Variants in LAT2 observed in about 807,000 individuals in gnomAD.
LAT2 encodes linker for activation of T cells family member 2.
LAT2 carries 23 observed loss-of-function variants against 43.4 expected under a neutral mutation model. That is an observed-to-expected ratio of 0.53 (90% CI 0.38 to 0.75). The LOEUF (loss-of-function observed/expected upper bound fraction) is 0.75. Among genes scored for constraint, LAT2 ranks in the 30% least tolerant of loss-of-function variants. The pLI, the probability that LAT2 is intolerant of heterozygous loss-of-function variation, is 0.00. For synonymous variants in LAT2, 128 were observed against 123.2 expected (o/e 1.04, Z -0.26); for missense variants, 284 against 310.2 (o/e 0.92, Z 0.64).
intron 4 of LAT2, among the ~76,000 whole-genome samples, chr7:74,218,304 T>G (rs772106820): frequency 2.9e-4 from 44 of 152,188 alleles, no homozygotes; most frequent in Non-Finnish European, 6.0e-4. Flanking sequence ...TCCTGTGGAT[T>G]TAGGGTATCT....
intron 1 of LAT2, among the ~76,000 whole-genome samples, chr7:74,213,201 C>G (rs891769342): frequency 6.6e-6 from 1 of 152,118 alleles, no homozygotes; most frequent in Admixed American, 6.6e-5. Context: ...TCACTGCAAC[C>G]TCCACCTCCT....
intron 13 of LAT2, chr7:74,226,546 T>C (rs782373393): frequency 1.2e-4 from 19 of 152,392 alleles, no homozygotes; most frequent in Non-Finnish European, 1.7e-4. Flanking sequence ...TAGTCCCAGC[T>C]ACTTGGGAGG....
intron 10 of LAT2, 127 bp downstream of exon 10, chr7:74,221,819 CAGA>C (rs1271730820): frequency 2.3e-5 from 15 of 665,608 alleles, no homozygotes; most frequent in South Asian, 4.5e-5. Context: ...GTTGGGTGGA[CAGA>C]AGGAGGCTGG....
At chr7:74,225,016 G>A (rs571669736) in intron 13 of LAT2, 53 of 327,346 alleles carry the variant, frequency 1.6e-4, no homozygotes, top group African/African-American at 1.1e-3. Flanking sequence ...CAACTCCACT[G>A]CATCCTCCTG....
intron 1 of LAT2, among the ~76,000 whole-genome samples, chr7:74,214,323 T>C (rs1428017218): frequency 3.1e-5 from 2 of 63,586 alleles, no homozygotes; most frequent in Non-Finnish European, 5.1e-5. Context: ...TATATGAAAA[T>C]ATATATATAA....
chr7:74,214,241 AATATATATATAAAT>A lies in LAT2; in HGVS notation c.-218-570_-218-557del, dbSNP rs1333842838. ...ATATATATATGAAAATATATATGAA[AATATATATATAAAT>A]ATATATATATGAAAATATATATATA... On this transcript the variant is annotated intron_variant, in intron 1 of 13. Coordinates refer to ENST00000460943, the MANE Select transcript of LAT2 (RefSeq NM_032464.3). 3.9e-4 allele frequency among the ~76,000 whole-genome samples: 27 copies of A among 69,632 alleles called. 1 individual carries two copies. Among genetic ancestry groups the A allele is most frequent in the East Asian group, 8.4e-4 (2 of 2,384 alleles). 45.7% of individuals were successfully genotyped at this position (69,632 alleles called of 152,430 possible).
At chr7:74,212,337 C>A (rs898967552) in intron 1 of LAT2, among the ~76,000 whole-genome samples, 4 of 151,674 alleles carry the variant, frequency 2.6e-5, no homozygotes, top group Non-Finnish European at 5.9e-5. Flanking sequence ...CTGGAGTGCA[C>A]TGGCGTGATC....
intron 4 of LAT2, among the ~76,000 whole-genome samples, chr7:74,218,063 C>G (rs1380919499): frequency 1.3e-5 from 2 of 152,162 alleles, no homozygotes; most frequent in East Asian, 3.9e-4. Flanking sequence ...CCTGCCCACC[C>G]CCAGCCCCCT....
At chr7:74,219,526 T>C (rs1802181663) in intron 4 of LAT2, among the ~76,000 whole-genome samples, 1 of 152,140 alleles carries the variant, frequency 6.6e-6, no homozygotes, top group East Asian at 1.9e-4. Context: ...GGGCCCTGTG[T>C]GAGGGTTGGG....
chr7:74,216,754 T>C lies in LAT2; in HGVS notation c.95-71T>C, dbSNP rs562894894. 1,061 of 1,321,562 alleles carry C rather than the reference T, an allele frequency of 8.0e-4. 17 individuals carry two copies. In the South Asian group the frequency reaches 0.012, roughly 15 times the overall value. The allele number at this position is 1,321,562 out of a possible 1,614,324, so 81.9% of individuals were successfully genotyped here. On this transcript the variant is annotated intron_variant, in intron 3 of 13. Coordinates refer to ENST00000460943, the MANE Select transcript of LAT2 (RefSeq NM_032464.3). The stretch of plus-strand genomic sequence containing the variant: ...TCTGAGTCCTGCTGGAGACAAGACA[T>C]GGCGGGGGGTGTCTGACCTCAGGTC...
rs1554715653 is a variant in LAT2, at chr7:74,223,771, A to C, written c.436A>C (p.Thr146Pro). Residue 146 changes from threonine to proline, a missense_variant, in exon 11 of 14, where the codon ACC (threonine) becomes CCC (proline). By Grantham distance (38) the Thr-to-Pro change is conservative (BLOSUM62 -1). Coordinates refer to ENST00000460943, the MANE Select transcript of LAT2 (RefSeq NM_032464.3). Reference protein sequence around the residue: ...YENVLICKQKTTETGAQQEGI... With the variant: ...YENVLICKQKPTETGAQQEGI... ...GAATGTGCTCATTTGCAAGCAGAAA[A>C]CCACAGAGACAGGTGAGGCTGCCCA... 6.2e-7 allele frequency: 1 copy of C among 1,613,796 alleles called. No homozygotes were observed. The highest frequency in any genetic ancestry group is 8.5e-7 in the Non-Finnish European group (1 of 1,179,936).
Position 74,212,380 on chromosome 7 carries a change from C to A in LAT2, c.-219+2292C>A, listed in dbSNP as rs547953156. Among the ~76,000 whole-genome samples the A allele has an allele frequency of 1.7e-4, 26 of 152,038 alleles. No homozygotes were observed. In the South Asian group the frequency reaches 1.9e-3, roughly 11 times the overall value. On this transcript the variant is annotated intron_variant, in intron 1 of 13. Coordinates refer to ENST00000460943, the MANE Select transcript of LAT2 (RefSeq NM_032464.3). Reference sequence around the variant, plus strand: ...ACTGCAACTCACTGCCTCCTGAGTTCAAGTGATTCTCATGCCTCAGCCTCC... The same window carrying A: ...ACTGCAACTCACTGCCTCCTGAGTTAAAGTGATTCTCATGCCTCAGCCTCC...
intron 1 of LAT2, among the ~76,000 whole-genome samples, chr7:74,212,518 C>T (rs1194357461): frequency 6.6e-6 from 1 of 152,136 alleles, no homozygotes; most frequent in Non-Finnish European, 1.5e-5. Context: ...AAGTGATCCT[C>T]CTGTCTCAGC....
intron 11 of LAT2, 72 bp downstream of exon 11, chr7:74,223,855 C>A: frequency 6.5e-7 from 1 of 1,527,248 alleles, no homozygotes; most frequent in Non-Finnish European, 9.1e-7. Flanking sequence ...CCCCTGCACT[C>A]CCCACTGCTC....
At chr7:74,214,103 TATATATATGAAA>T in intron 1 of LAT2, among the ~76,000 whole-genome samples, 1 of 115,718 alleles carries the variant, frequency 8.6e-6, no homozygotes, top group South Asian at 2.3e-4. Flanking sequence ...TATATATAAA[TATATATATGAAA>T]ATATATATAT....
intron 1 of LAT2, among the ~76,000 whole-genome samples, chr7:74,212,707 G>A (rs1801772014): frequency 6.6e-6 from 1 of 152,240 alleles, no homozygotes; most frequent in African/African-American, 2.4e-5. Context: ...CCATGCTGGA[G>A]GGGTTGGGGG....
At chr7:74,224,233 T>TAGGGCAGGCTTGAGGGACTGGCCTGGA in intron 12 of LAT2, 36 bp downstream of exon 12, 1 of 1,601,374 alleles carries the variant, frequency 6.2e-7, no homozygotes, top group Non-Finnish European at 8.5e-7. Flanking sequence ...GTGGTCCACT[T>TAGGGCAGGCTTGAGGGACTGGCCTGGA]AGGGCAGGCT....
chr7:74,221,589 A>G (rs953859851), intron 9 of LAT2, 48 bp from the exon 10 acceptor site: 19 of 1,543,918 alleles, frequency 1.2e-5, no homozygotes, highest in Non-Finnish European at 1.4e-5. Context: ...CCCCAACCCG[A>G]TCTCCAGCCT....
chr7:74,213,420 C>CTTTTT (rs1554713423), intron 1 of LAT2, among the ~76,000 whole-genome samples: 4 of 136,236 alleles, frequency 2.9e-5, no homozygotes, highest in Non-Finnish European at 4.7e-5. Context: ...TGTGCCCGGC[C>CTTTTT]ATTTTTTTTT....
Sources: gnomAD v4.1 joint callset for allele counts (sites outside exome capture counted in the v4.1 genomes callset) on GRCh38, gnomAD v4.1.1 for gene constraint, MANE v1.5 for transcripts, NCBI Gene and HGNC (gene_info 2026-07-23, HGNC 2026-07-21) for gene names.